Variants in BMPR2 observed in about 807,000 individuals in gnomAD.
BMPR2 encodes the protein bone morphogenetic protein receptor type-2.
Under a neutral mutation model 100.8 loss-of-function variants are expected in BMPR2, and 29 were observed. The ratio of observed to expected loss-of-function variants is 0.29; its 90% confidence interval spans 0.21 to 0.39. The LOEUF (loss-of-function observed/expected upper bound fraction) is 0.39. Ranked by LOEUF, BMPR2 falls within the 10% of genes least tolerant of loss-of-function variation. BMPR2 has a pLI of 1.00. For synonymous variants in BMPR2, 382 were observed against 442.3 expected (o/e 0.86, Z 1.71); for missense variants, 1,011 against 1,274.5 (o/e 0.79, Z 3.15).
chr2:202,534,924 G>T (rs1433560943), intron 9 of BMPR2, among the ~76,000 whole-genome samples: 8 of 131,042 alleles, frequency 6.1e-5, no homozygotes, highest in African/African-American at 2.5e-4. Context: ...CCTCCCTCCC[G>T]GACGGGGCGG....
rs946236366 is a variant in BMPR2 at position 202,444,501 on chromosome 2, TGTGTTG to T, written c.77-20297_77-20292del. On this transcript the variant is annotated intron_variant, in intron 1 of 12. Transcript: ENST00000374580. ...TAGAGAAATTATGTAATTTGTTTTT[TGTGTTG>T]GTGTTGGTGTATATAGTTACATCAA... 2.3e-4 allele frequency among the ~76,000 whole-genome samples: 35 copies of T among 150,880 alleles called. 1 individual carries two copies. Among genetic ancestry groups the T allele is most frequent in the South Asian group, 2.3e-3 (11 of 4,824 alleles).
intron 3 of BMPR2, among the ~76,000 whole-genome samples, chr2:202,502,611 A>G (rs950175543): frequency 6.6e-6 from 1 of 152,224 alleles, no homozygotes; most frequent in Non-Finnish European, 1.5e-5. Context: ...AACAGTTTGC[A>G]AGAAATAACA....
In BMPR2 at chr2:202,542,416, A is replaced by G. The variant is rs1401567545; in HGVS notation, c.1382A>G (p.Lys461Arg). Residue 461 changes from lysine (K) to arginine (R), a missense_variant, in exon 10 of 13, where the codon AAG (lysine) becomes AGG (arginine). Lys to Arg is a conservative substitution (Grantham distance 26). Around this residue, in one of 6 missense-constraint regions of BMPR2, gnomAD observed 83 missense variants for 140.7 expected, o/e 0.59. Coordinates refer to ENST00000374580, the MANE Select transcript of BMPR2 (RefSeq NM_001204.7). ...VLVSREKQRPKFPEAWKENSL... is the reference protein window; with the variant it reads ...VLVSREKQRPRFPEAWKENSL... ...GTGTCTAGGGAAAAACAGAGACCCA[A>G]GTTCCCAGAAGCCTGGAAAGAAAAT... 1.2e-6 allele frequency: 2 copies of G among 1,614,010 alleles called. No individual in the cohort carries two copies. Among genetic ancestry groups the G allele is most frequent in the African/African-American group, 2.7e-5 (2 of 74,926 alleles).
rs999281446 is a variant in BMPR2, at chr2:202,560,045, G to A, written c.*99G>A. The A allele has an allele frequency of 9.5e-6, 14 of 1,469,048 alleles. No individual in the cohort carries two copies. The East Asian group carries it at 3.3e-4, about 34-fold the overall frequency. The allele number at this position is 1,469,048 out of a possible 1,614,324, so 91.0% of individuals were successfully genotyped here. A position where few individuals can be genotyped will look rare whatever the true frequency, so the allele number is the denominator to read the frequency against. On this transcript the variant is annotated 3_prime_UTR_variant, in exon 13 of 13. Coordinates refer to ENST00000374580, the MANE Select transcript of BMPR2 (RefSeq NM_001204.7). The stretch of plus-strand genomic sequence containing the variant: ...AAAAAACTGCTTTATCCTCCTGTCA[G>A]CACCCCCTCCCACCCCTGCAACAAA...
intron 3 of BMPR2, among the ~76,000 whole-genome samples, chr2:202,479,209 A>G (rs1183725336): frequency 6.6e-6 from 1 of 152,220 alleles, no homozygotes. Context: ...GAAGAGGGCC[A>G]CTTGACAAAG....
chr2:202,500,873 CA>C (rs1396187099), intron 3 of BMPR2, among the ~76,000 whole-genome samples: 2 of 152,166 alleles, frequency 1.3e-5, no homozygotes, highest in African/African-American at 2.4e-5. Context: ...CTCTGACTCC[CA>C]GTTTCTCTTT....
At position 202,376,738 on chromosome 2, in the gene BMPR2, G is replaced by T. The variant is rs957604657; in HGVS notation, c.-737G>T. 6.6e-6 allele frequency among the ~76,000 whole-genome samples: 1 copy of T among 150,464 alleles called. No homozygotes were observed. The highest frequency in any genetic ancestry group is 6.7e-5 in the Admixed American group (1 of 15,022). ...TCACACCCACTCCGCCTGCCGTCTCGGGGAGCCCGGACCGGGGCCGCGACC... is the reference window on the plus strand; with the variant it reads ...TCACACCCACTCCGCCTGCCGTCTCTGGGAGCCCGGACCGGGGCCGCGACC... On this transcript the variant is annotated 5_prime_UTR_variant, in exon 1 of 13. Transcript: ENST00000374580.
chr2:202,516,973 G>A (rs1220849786), intron 5 of BMPR2, among the ~76,000 whole-genome samples: 3 of 152,104 alleles, frequency 2.0e-5, no homozygotes, highest in Non-Finnish European at 4.4e-5. Flanking sequence ...CAAAAATAAC[G>A]AGAATGGGTT....
chr2:202,402,656 G>GTT (rs1690789372), intron 1 of BMPR2, among the ~76,000 whole-genome samples: 1 of 151,154 alleles, frequency 6.6e-6, no homozygotes, highest in South Asian at 2.1e-4. Flanking sequence ...CATTGTGTGT[G>GTT]TGTGTGTGTG....
intron 10 of BMPR2, among the ~76,000 whole-genome samples, chr2:202,547,278 G>A (rs1688391682): frequency 6.6e-6 from 1 of 151,976 alleles, no homozygotes; most frequent in African/African-American, 2.4e-5. Flanking sequence ...GACAATAATA[G>A]CTCACTGTAG....
chr2:202,391,785 T>C (rs895625823), intron 1 of BMPR2, among the ~76,000 whole-genome samples: 9 of 150,966 alleles, frequency 6.0e-5, no homozygotes, highest in African/African-American at 1.2e-4. Context: ...TTTTTTGAGA[T>C]GGAGTCGCAC....
intron 10 of BMPR2, among the ~76,000 whole-genome samples, chr2:202,549,459 G>A (rs1195219939): frequency 3.3e-5 from 5 of 152,150 alleles, no homozygotes; most frequent in African/African-American, 7.2e-5. Flanking sequence ...AAATATCTAA[G>A]AGTAGAGTGG....
rs1312363516 is a variant in BMPR2 at position 202,389,588 on chromosome 2, T to A, written c.76+12038T>A. 3.3e-5 allele frequency among the ~76,000 whole-genome samples: 5 copies of A among 151,686 alleles called. No individual in the cohort carries two copies. The South Asian group carries it at 8.3e-4, about 25-fold the overall frequency. Reference sequence around the variant, plus strand: ...GATTTTATCATTTCTTTTAAAAAACTTTTTGTTATTTAAGATTCTAAAATT... The same window carrying A: ...GATTTTATCATTTCTTTTAAAAAACATTTTGTTATTTAAGATTCTAAAATT... On this transcript the variant is annotated intron_variant, in intron 1 of 12. Transcript: ENST00000374580.
rs552340564 is a variant in BMPR2 at position 202,529,937 on chromosome 2, C to A, written c.968-857C>A. Among the ~76,000 whole-genome samples the A allele has an allele frequency of 2.3e-3, 355 of 151,538 alleles. 1 individual carries two copies. The highest frequency in any genetic ancestry group is 8.1e-3 in the African/African-American group (334 of 41,396). On this transcript the variant is annotated intron_variant, in intron 7 of 12. Coordinates refer to ENST00000374580, the MANE Select transcript of BMPR2 (RefSeq NM_001204.7). ...TGTGCTATAGAATTTTTTTTCAGTT[C>A]CAGAGCTATGGTTTTATTTAATACA... is the stretch of plus-strand genomic sequence containing the variant.
chr2:202,384,524 T>TTC lies in BMPR2; in HGVS notation c.76+6976_76+6977dup, dbSNP rs1160275833. Among the ~76,000 whole-genome samples, 879 of 135,690 alleles carry TTC rather than the reference T, an allele frequency of 6.5e-3. 10 individuals carry two copies. Among genetic ancestry groups the TTC allele is most frequent in the African/African-American group, 0.024 (822 of 34,576 alleles). The allele number at this position is 135,690 out of a possible 152,430, so 89.0% of individuals were successfully genotyped here. On this transcript the variant is annotated intron_variant, in intron 1 of 12. Coordinates refer to ENST00000374580, the MANE Select transcript of BMPR2 (RefSeq NM_001204.7). The stretch of plus-strand genomic sequence containing the variant: ...GAGAAATTTCAGTTTCTTTCTTTCT[T>TTC]TCTTTCTCTTTCTTTCTTTCTTTCT...
intron 1 of BMPR2, among the ~76,000 whole-genome samples, chr2:202,390,353 GAC>G (rs1247300101): frequency 4.6e-4 from 65 of 141,574 alleles, no homozygotes; most frequent in Non-Finnish European, 7.3e-4. Flanking sequence ...TTTTTTTTGA[GAC>G]AGAGTCTTGC....
Position 202,542,418 on chromosome 2 carries a change from T to C in BMPR2, c.1384T>C (p.Phe462Leu). ...GTCTAGGGAAAAACAGAGACCCAAG[T>C]TCCCAGAAGCCTGGAAAGAAAATAG... ...LVSREKQRPK[F>L]PEAWKENSLA... The change falls in exon 10 of 13, where the codon TTC (phenylalanine) becomes CTC (leucine). Residue 462 changes from phenylalanine (F) to leucine (L), a missense_variant. By Grantham distance (22) the Phe-to-Leu change is conservative. Coordinates refer to ENST00000374580, the MANE Select transcript of BMPR2 (RefSeq NM_001204.7). 1 of 1,614,064 alleles carries C rather than the reference T, an allele frequency of 6.2e-7. No individual in the cohort carries two copies. Among genetic ancestry groups the C allele is most frequent in the Non-Finnish European group, 8.5e-7 (1 of 1,179,998 alleles).
intron 3 of BMPR2, among the ~76,000 whole-genome samples, chr2:202,478,859 G>A (rs529751591): frequency 6.6e-6 from 1 of 152,172 alleles, no homozygotes; most frequent in Non-Finnish European, 1.5e-5. Context: ...CCAGGAAGTC[G>A]AGGCTGCAGT....
intron 3 of BMPR2, among the ~76,000 whole-genome samples, chr2:202,481,159 C>A (rs1047171129): frequency 6.7e-6 from 1 of 149,760 alleles, no homozygotes; most frequent in Non-Finnish European, 1.5e-5. Flanking sequence ...CTTTTTCTTT[C>A]TCTTCTCTTT....
Sources: gnomAD v4.1 joint callset for allele counts (sites outside exome capture counted in the v4.1 genomes callset) on GRCh38, gnomAD v4.1.1 for gene constraint, gnomAD v4.1.1 regional missense constraint, MANE v1.5 for transcripts, NCBI Gene and HGNC (gene_info 2026-07-23, HGNC 2026-07-21) for gene names.